The following PTPRM variants were observed in gnomAD, a reference collection of about 807,000 sequenced individuals.
PTPRM encodes the protein receptor-type tyrosine-protein phosphatase mu.
PTPRM carries 47 observed loss-of-function variants against 186.7 expected under a neutral mutation model. That is an observed-to-expected ratio of 0.25 (90% CI 0.20 to 0.32). PTPRM has a LOEUF of 0.32. PTPRM is among the 10% of genes least tolerant of loss of function. The pLI is 1.00. For missense variants in PTPRM, 1,494 were observed against 1,865.0 expected (o/e 0.80, Z 3.66); for synonymous variants, 668 against 674.9 (o/e 0.99, Z 0.16).
At chr18:7,895,899 T>C (rs557216138) in intron 3 of PTPRM, among the ~76,000 whole-genome samples, 1 of 152,234 alleles carries the variant, frequency 6.6e-6, no homozygotes, top group Non-Finnish European at 1.5e-5. Flanking sequence ...TTGAAAAGTT[T>C]CTTAGCAGAG....
At chr18:7,785,809 CTAACT>C (rs143622652) in intron 2 of PTPRM, among the ~76,000 whole-genome samples, 1,822 of 152,294 alleles carry the variant, frequency 0.012, 34 homozygotes, top group African/African-American at 0.041. Context: ...TTTGGAGCCA[CTAACT>C]TAAAGTGTGT....
At chr18:8,360,936 C>G (rs1391170123) in intron 23 of PTPRM, 1 of 152,156 alleles carries the variant, frequency 6.6e-6, no homozygotes, top group African/African-American at 2.4e-5. Context: ...CAACAGTGTA[C>G]GTGTAGGAGC....
intron 22 of PTPRM, among the ~76,000 whole-genome samples, chr18:8,334,629 A>C (rs1161893171): frequency 6.6e-6 from 1 of 152,236 alleles, no homozygotes. Context: ...TAATAATTGT[A>C]AAATTATAAA....
chr18:8,241,131 G>T (rs530678076), intron 14 of PTPRM, among the ~76,000 whole-genome samples: 1 of 152,022 alleles, frequency 6.6e-6, no homozygotes, highest in Non-Finnish European at 1.5e-5. Flanking sequence ...AGTTTGAGAC[G>T]AGCCTGGCCA....
chr18:8,299,596 C>CAAA lies in PTPRM; in HGVS notation c.2842+3148_2842+3150dup, dbSNP rs60540859. ...CAAGACTCCAGAGGTCTCAAAAAAA[C>CAAA]AAAAAAAAAGGAAGATAATAAAACA... On this transcript the variant is annotated intron_variant, in intron 20 of 32. Coordinates refer to ENST00000580170, the MANE Select transcript of PTPRM (RefSeq NM_001105244.2). Among the ~76,000 whole-genome samples the CAAA allele has an allele frequency of 5.6e-5, 8 of 142,686 alleles. No individual in the cohort carries two copies. The South Asian group carries it at 2.0e-3, about 36-fold the overall frequency. 93.6% of individuals were successfully genotyped at this position (142,686 alleles called of 152,430 possible). A position where few individuals can be genotyped will look rare whatever the true frequency, so the allele number is the denominator to read the frequency against.
At chr18:8,048,177 A>G (rs1018022215) in intron 7 of PTPRM, among the ~76,000 whole-genome samples, 1 of 152,210 alleles carries the variant, frequency 6.6e-6, no homozygotes, top group Non-Finnish European at 1.5e-5. Flanking sequence ...TCCCACACAA[A>G]AACTATGTTT....
At chr18:8,173,224 A>C (rs1206676302) in intron 14 of PTPRM, among the ~76,000 whole-genome samples, 1 of 152,212 alleles carries the variant, frequency 6.6e-6, no homozygotes, top group Admixed American at 6.5e-5. Flanking sequence ...CTCAGAGGGA[A>C]AACTGGCTTT....
chr18:8,275,465 A>G (rs1175830870), intron 19 of PTPRM, among the ~76,000 whole-genome samples: 2 of 152,146 alleles, frequency 1.3e-5, no homozygotes, highest in African/African-American at 2.4e-5. Context: ...AAAGACTTCA[A>G]TGGTTCCAGG....
chr18:8,017,745 C>A (rs2147932044), intron 7 of PTPRM: 1 of 152,194 alleles, frequency 6.6e-6, no homozygotes, highest in Middle Eastern at 3.4e-3. Flanking sequence ...AGTGAAATAG[C>A]TGAGGTAGGT....
intron 32 of PTPRM, among the ~76,000 whole-genome samples, chr18:8,396,983 T>C (rs1181143402): frequency 6.6e-6 from 1 of 152,224 alleles, no homozygotes. Context: ...GCCAGGGTGA[T>C]AAAGTCTGGT....
intron 14 of PTPRM, among the ~76,000 whole-genome samples, chr18:8,206,495 G>A (rs968811458): frequency 2.0e-5 from 3 of 152,038 alleles, no homozygotes; most frequent in Admixed American, 1.3e-4. Flanking sequence ...TCATCTGCCC[G>A]CCTCAGCCTC....
intron 17 of PTPRM, among the ~76,000 whole-genome samples, chr18:8,250,160 G>A (rs185551586): frequency 6.1e-4 from 93 of 152,184 alleles, no homozygotes; most frequent in Non-Finnish European, 1.2e-3. Context: ...CTCATGCTAA[G>A]ATGCCCAGCC....
Position 7,955,105 on chromosome 18 carries a change from C to T in PTPRM, c.839-16C>T, listed in dbSNP as rs763212691. The T allele has an allele frequency of 6.3e-7, 1 of 1,577,504 alleles. No homozygotes were observed. The highest frequency in any genetic ancestry group is 1.1e-5 in the South Asian group (1 of 87,448). The stretch of plus-strand genomic sequence containing the variant: ...GACAAAGCATCTGAAAGACAGCTTT[C>T]TGGTTTGTCTTTCAGAACCACCCGT... On this transcript the variant is annotated splice_polypyrimidine_tract_variant and intron_variant, in intron 6 of 32. Transcript: ENST00000580170.
At chr18:7,955,523 C>G in intron 7 of PTPRM, 109 bp downstream of exon 7, 1 of 1,315,886 alleles carries the variant, frequency 7.6e-7, no homozygotes, top group Non-Finnish European at 1.0e-6. Flanking sequence ...CTATCAAAAC[C>G]TGCATATGAA....
intron 23 of PTPRM, among the ~76,000 whole-genome samples, chr18:8,352,131 A>G (rs1038737930): frequency 1.3e-5 from 2 of 152,238 alleles, no homozygotes; most frequent in Non-Finnish European, 2.9e-5. Context: ...TCCTCAAAGA[A>G]TATCACCTGT....
intron 2 of PTPRM, among the ~76,000 whole-genome samples, chr18:7,859,793 A>T (rs1009634302): frequency 3.3e-5 from 5 of 152,166 alleles, no homozygotes; most frequent in African/African-American, 1.2e-4. Context: ...GGGTTTTTAC[A>T]GATACTCTGA....
At chr18:8,191,404 C>T (rs968677058) in intron 14 of PTPRM, among the ~76,000 whole-genome samples, 4 of 152,116 alleles carry the variant, frequency 2.6e-5, no homozygotes, top group Non-Finnish European at 2.9e-5. Context: ...TTTCCAGAGA[C>T]GGTGACACGC....
chr18:8,205,542 A>G (rs892812614), intron 14 of PTPRM, among the ~76,000 whole-genome samples: 3 of 152,192 alleles, frequency 2.0e-5, no homozygotes, highest in South Asian at 2.1e-4. Context: ...GAGTACAGCA[A>G]TGTGCTGTAT....
At position 8,054,146 on chromosome 18, in the gene PTPRM, T is replaced by C. The variant is rs141704763; in HGVS notation, c.1133-15540T>C. On this transcript the variant is annotated intron_variant, in intron 7 of 32. Transcript: ENST00000580170. Reference sequence around the variant, plus strand: ...GAATGGAACCTCCAGGAAAATGTTATAGTGAAACAGCTTAGATTTATTTTT... The same window carrying C: ...GAATGGAACCTCCAGGAAAATGTTACAGTGAAACAGCTTAGATTTATTTTT... 4.3e-4 allele frequency among the ~76,000 whole-genome samples: 65 copies of C among 151,900 alleles called. 1 individual carries two copies. In the East Asian group the frequency reaches 0.012, roughly 27 times the overall value.
Sources: gnomAD v4.1 joint callset for allele counts (sites outside exome capture counted in the v4.1 genomes callset) on GRCh38, gnomAD v4.1.1 for gene constraint, MANE v1.5 for transcripts, NCBI Gene and HGNC (gene_info 2026-07-23, HGNC 2026-07-21) for gene names.